CES2: variants seen among roughly 807,000 people sequenced by gnomAD.
CES2 encodes the protein cocaine esterase.
CES2 carries 42 observed loss-of-function variants against 52.1 expected under a neutral mutation model. The observed-to-expected ratio is 0.81, with a 90% CI of 0.63 to 1.04. The LOEUF is 1.04. Ranked by LOEUF, CES2 falls within the 50% of genes least tolerant of loss-of-function variation. CES2 has a pLI of 0.00. For synonymous variants in CES2, 277 were observed against 289.6 expected (o/e 0.96, Z 0.44); for missense variants, 656 against 724.3 (o/e 0.91, Z 1.08).
chr16:66,938,233 TC>T lies in CES2; in HGVS notation c.275del (p.Pro92ArgfsTer21), dbSNP rs748447942. The T allele has an allele frequency of 1.2e-6, 2 of 1,613,318 alleles. No individual in the cohort carries two copies. Among genetic ancestry groups the T allele is most frequent in the Non-Finnish European group, 1.7e-6 (2 of 1,179,260 alleles). On this transcript the variant is annotated frameshift_variant, in exon 2 of 12. Transcript: ENST00000317091. LOFTEE classifies it high-confidence loss of function. ...WSGVRDGTTH[P>X]AMCLQDLTAV... The stretch of plus-strand genomic sequence containing the variant: ...GTGGTGTGAGGGATGGAACCACCCA[TC>T]CGGCCATGTAAGCTCTCCAAGGGGT...
upstream of CES2, chr16:66,934,545 G>A (rs965928670): frequency 5.9e-5 from 52 of 881,916 alleles, no homozygotes; most frequent in Non-Finnish European, 8.0e-5. This position sits in a 1 kb window ranked among gnomAD's most constrained non-coding sequence, Gnocchi z 4.1. Context: ...CTCGGACCCG[G>A]GAACATGATG....
chr16:66,938,538 G>A, intron 2 of CES2: 1 of 480,684 alleles, frequency 2.1e-6, no homozygotes, highest in South Asian at 2.4e-5. Context: ...AGCTTTCTCT[G>A]CCACCAGTGG....
chr16:66,935,704 G>C lies in CES2; in HGVS notation c.69G>C (p.Arg23=). Residue 23 remains arginine, a synonymous_variant, in exon 1 of 12, where the codon CGG becomes CGC. Coordinates refer to ENST00000317091, the MANE Select transcript of CES2 (RefSeq NM_001365405.1). ...GTGGGCTTCTGCTGCTTCTTGTCCGGGGCCAGGGTGAGGCTCCCTCGGAGG... is the reference window on the plus strand; with the variant it reads ...GTGGGCTTCTGCTGCTTCTTGTCCGCGGCCAGGGTGAGGCTCCCTCGGAGG... The part of the protein sequence containing the change: ...VACGLLLLLV[R]GQGQDSASPI... 2.5e-6 allele frequency: 4 copies of C among 1,600,354 alleles called. No homozygotes were observed. Among genetic ancestry groups the C allele is most frequent in the Non-Finnish European group, 3.4e-6 (4 of 1,179,830 alleles).
chr16:66,941,243 G>T (rs1963355616), intron 6 of CES2, 21 bp downstream of exon 6: 1 of 1,613,166 alleles, frequency 6.2e-7, no homozygotes, highest in Non-Finnish European at 8.5e-7. Flanking sequence ...ATGGATGTGG[G>T]TGTAGAGGAA....
At chr16:66,941,069 A>C in intron 5 of CES2, 55 bp from the exon 6 acceptor site, 1 of 1,605,786 alleles carries the variant, frequency 6.2e-7, no homozygotes, top group East Asian at 2.2e-5. Context: ...GCCTTGGGCA[A>C]ACTCCTCTCC....
At chr16:66,941,047 T>G (rs1472151596) in intron 5 of CES2, 77 bp from the exon 6 acceptor site, 1 of 1,587,678 alleles carries the variant, frequency 6.3e-7, no homozygotes, top group African/African-American at 1.3e-5. Context: ...GGTACCCCTG[T>G]TCTTGGCCAG....
chr16:66,941,128 TGGC>T lies in CES2; in HGVS notation c.822_824del (p.Ala275del). Reference sequence around the variant, plus strand: ...CCCTGCCTGGTCCCTTTACAGGTGGTGGCCAACCTGTCTGCCTGTGACCAAGTT... The same window carrying T: ...CCCTGCCTGGTCCCTTTACAGGTGGTCAACCTGTCTGCCTGTGACCAAGTT... On this transcript the variant is annotated inframe_deletion, in exon 6 of 12. Transcript: ENST00000317091. 6.2e-7 allele frequency: 1 copy of T among 1,613,942 alleles called. No individual in the cohort carries two copies. Among genetic ancestry groups the T allele is most frequent in the Non-Finnish European group, 8.5e-7 (1 of 1,179,924 alleles).
At chr16:66,938,814 T>C (rs1963279004) in intron 2 of CES2, among the ~76,000 whole-genome samples, 1 of 152,326 alleles carries the variant, frequency 6.6e-6, no homozygotes, top group East Asian at 1.9e-4. Context: ...GACATCCCAC[T>C]GCCCTTCTCA....
In CES2 at chr16:66,943,153, G is replaced by A. The variant is rs1361264800; in HGVS notation, c.1421-146G>A. On this transcript the variant is annotated intron_variant, in intron 10 of 11. Transcript: ENST00000317091. The surrounding 1 kb of genome is among the most constrained non-coding windows in gnomAD (Gnocchi z 4.2). ...TGGTCTACAGGGAAAGTTTGGAAAA[G>A]GGGAGGGCTGGCTTCTGAGGGCAGT... 5 of 835,242 alleles carry A rather than the reference G, an allele frequency of 6.0e-6. No homozygotes were observed. Among genetic ancestry groups the A allele is most frequent in the Non-Finnish European group, 7.5e-6 (4 of 531,644 alleles). The allele number at this position is 835,242 out of a possible 1,614,324, so 51.7% of individuals were successfully genotyped here.
At chr16:66,934,536 T>G, upstream of CES2, 1 of 1,002,976 alleles carries the variant, frequency 1.0e-6, no homozygotes, top group Middle Eastern at 3.4e-4. The surrounding 1 kb of genome is among the most constrained non-coding windows in gnomAD (Gnocchi z 4.1). Flanking sequence ...CCCTGGCTGC[T>G]CGGACCCGGG....
Position 66,940,505 on chromosome 16 carries a change from A to G in CES2, c.626A>G (p.Gln209Arg), listed in dbSNP as rs750420342. 4.3e-6 allele frequency: 7 copies of G among 1,614,122 alleles called. No homozygotes were observed. In the Admixed American group the frequency reaches 8.3e-5, roughly 19 times the overall value. ...LDQVAALRWV[Q>R]QNIAHFGGNP... ...CAAGTGGCTGCACTACGCTGGGTCC[A>G]GCAGAATATCGCCCACTTTGGAGGC... Residue 209 changes from glutamine to arginine, a missense_variant, in exon 5 of 12, where the codon CAG (glutamine) becomes CGG (arginine). Coordinates refer to ENST00000317091, the MANE Select transcript of CES2 (RefSeq NM_001365405.1).
At chr16:66,934,705 C>G (rs1963156452), upstream of CES2, 1 of 267,708 alleles carries the variant, frequency 3.7e-6, no homozygotes, top group Admixed American at 4.9e-5. This position sits in a 1 kb window ranked among gnomAD's most constrained non-coding sequence, Gnocchi z 4.1. Flanking sequence ...TCCTGGAAGT[C>G]AGGCTGGCCG....
In CES2 at chr16:66,942,680, C is replaced by T. The variant is rs1428710013; in HGVS notation, c.1315C>T (p.Gln439Ter). ...GGCCCCTGTGTACTTCTACGAGTTC[C>T]AGCATCAGCCCAGCTGGCTCAAGAA... ...SRAPVYFYEFQHQPSWLKNIR... is the reference protein window; with the variant it reads ...SRAPVYFYEF Residue 439 changes from glutamine (Q) to a stop codon, truncating the protein, a stop_gained, in exon 10 of 12, where the codon CAG becomes TAG. Transcript: ENST00000317091. LOFTEE classifies it high-confidence loss of function. The T allele has an allele frequency of 6.2e-7, 1 of 1,614,218 alleles. No individual in the cohort carries two copies. Among genetic ancestry groups the T allele is most frequent in the Non-Finnish European group, 8.5e-7 (1 of 1,180,024 alleles).
chr16:66,939,420 A>G, intron 3 of CES2, 62 bp downstream of exon 3: 1 of 1,558,772 alleles, frequency 6.4e-7, no homozygotes, highest in Non-Finnish European at 8.8e-7. Flanking sequence ...GAAGCTGAAA[A>G]GGACAATATT....
intron 9 of CES2, 120 bp from the exon 10 acceptor site, chr16:66,942,528 G>T (rs1963391626): frequency 3.5e-6 from 4 of 1,139,730 alleles, no homozygotes; most frequent in Admixed American, 5.0e-5. Flanking sequence ...CCAGCCTGGG[G>T]CTCCACACCC....
At chr16:66,939,793 G>T (rs527661452) in intron 3 of CES2, among the ~76,000 whole-genome samples, 1 of 152,212 alleles carries the variant, frequency 6.6e-6, no homozygotes, top group Non-Finnish European at 1.5e-5. Context: ...CTGTAACCTC[G>T]AAATCCGGGA....
At chr16:66,937,233 G>A (rs1195954170) in intron 1 of CES2, among the ~76,000 whole-genome samples, 1 of 152,002 alleles carries the variant, frequency 6.6e-6, no homozygotes, top group Non-Finnish European at 1.5e-5. Flanking sequence ...AAAAATAATT[G>A]ACAAGCCATA....
chr16:66,934,471 G>A, upstream of CES2: 2 of 1,411,650 alleles, frequency 1.4e-6, no homozygotes, highest in East Asian at 2.5e-5. This position sits in a 1 kb window ranked among gnomAD's most constrained non-coding sequence, Gnocchi z 4.1. Flanking sequence ...TCGCGCGAGG[G>A]ACACGCCGCG....
chr16:66,938,500 C>T (rs1052313999), intron 2 of CES2: 8 of 535,332 alleles, frequency 1.5e-5, no homozygotes, highest in Non-Finnish European at 1.7e-5. Context: ...GGCAGACACA[C>T]GTATCTCCCC....
Sources: gnomAD v4.1 joint callset for allele counts (sites outside exome capture counted in the v4.1 genomes callset) on GRCh38, gnomAD v4.1.1 for gene constraint, Gnocchi (gnomAD v3.1) non-coding constraint, MANE v1.5 for transcripts, NCBI Gene and HGNC (gene_info 2026-07-23, HGNC 2026-07-21) for gene names.